The following FANCL variants were observed in gnomAD, a reference collection of about 807,000 sequenced individuals.
FANCL encodes the protein FA complementation group L.
A neutral mutation model predicts 59.4 loss-of-function variants in FANCL; 69 were observed. The ratio of observed to expected loss-of-function variants is 1.16; its 90% CI spans 0.96 to 1.42. FANCL has a LOEUF of 1.42. FANCL is among the 40% of genes most tolerant of loss of function. The pLI is 0.00. For missense variants in FANCL, 519 were observed against 447.2 expected, an observed-to-expected ratio of 1.16 and a Z score of -1.45; for synonymous variants, 180 against 147.1, an observed-to-expected ratio of 1.22 and a Z score of -1.62.
chr2:58,163,083 TAA>T lies in FANCL; in HGVS notation c.776-11_776-10del, dbSNP rs374236117. ...TCCCAGGGGTTTTACCACTTCAGAT[TAA>T]AAAAAAAAAATTTAATAATTGCATG... On this transcript the variant is annotated splice_polypyrimidine_tract_variant and intron_variant, in intron 9 of 13. Transcript: ENST00000233741. The T allele has an allele frequency of 2.1e-5, 27 of 1,280,628 alleles. No individual in the cohort carries two copies. The highest frequency in any genetic ancestry group is 5.6e-5 in the South Asian group (4 of 70,962). 79.3% of individuals were successfully genotyped at this position (1,280,628 alleles called of 1,614,324 possible).
chr2:58,241,262 G>A lies in FANCL; in HGVS notation c.52C>T (p.Gln18Ter), dbSNP rs1694518638. The part of the protein sequence containing the change: ...LLRQCPLLLP[Q>*]NRSKTVYEGF... ...TCATACACGGTTTTCGACCGGTTCT[G>A]GGGCAGAAGCAGGGGGCACTGGCGC... Residue 18 changes from glutamine (Q) to a stop codon, truncating the protein, a stop_gained, in exon 1 of 14, where the codon CAG (glutamine) becomes TAG (stop). Coordinates refer to ENST00000233741, the MANE Select transcript of FANCL (RefSeq NM_018062.4). LOFTEE classifies it high-confidence loss of function. 1 of 1,614,270 alleles carries A rather than the reference G, an allele frequency of 6.2e-7. No homozygotes were observed. The highest frequency in any genetic ancestry group is 1.3e-5 in the African/African-American group (1 of 75,078).
At chr2:58,221,155 A>C (rs1692439785) in intron 5 of FANCL, among the ~76,000 whole-genome samples, 1 of 151,942 alleles carries the variant, frequency 6.6e-6, no homozygotes, top group Non-Finnish European at 1.5e-5. Flanking sequence ...GGAGCTTGCA[A>C]TCAGCCTAGG....
chr2:58,169,253 A>G (rs1048246586), intron 7 of FANCL, among the ~76,000 whole-genome samples: 8 of 152,164 alleles, frequency 5.3e-5, no homozygotes, highest in African/African-American at 1.9e-4. Context: ...CACTGGTGAT[A>G]CCCAGGCAAA....
chr2:58,229,790 A>C, intron 3 of FANCL, 24 bp downstream of exon 3: 1 of 1,558,418 alleles, frequency 6.4e-7, no homozygotes, highest in Non-Finnish European at 8.9e-7. Context: ...CACTGAAAAC[A>C]TAAACCTTTT....
intron 12 of FANCL, among the ~76,000 whole-genome samples, chr2:58,161,254 A>C (rs1685115224): frequency 6.6e-6 from 1 of 151,996 alleles, no homozygotes; most frequent in African/African-American, 2.4e-5. Flanking sequence ...CCATCAATTT[A>C]ATTTGTTATG....
chr2:58,191,832 T>A, intron 7 of FANCL, among the ~76,000 whole-genome samples: 1 of 152,074 alleles, frequency 6.6e-6, no homozygotes, highest in East Asian at 1.9e-4. Context: ...ACTTTGTACA[T>A]TTGTACAGCA....
intron 7 of FANCL, among the ~76,000 whole-genome samples, chr2:58,186,976 A>G (rs765049506): frequency 2.0e-5 from 3 of 152,174 alleles, no homozygotes; most frequent in Non-Finnish European, 4.4e-5. Flanking sequence ...GGGAGTGTGA[A>G]CTAGTTCAAC....
chr2:58,207,829 G>T (rs191854241), intron 5 of FANCL, among the ~76,000 whole-genome samples: 4 of 152,258 alleles, frequency 2.6e-5, no homozygotes, highest in African/African-American at 7.2e-5. Flanking sequence ...GAAGCTGAGG[G>T]GAGGATTACT....
chr2:58,171,083 G>C (rs913973608), intron 7 of FANCL, among the ~76,000 whole-genome samples: 1 of 152,108 alleles, frequency 6.6e-6, no homozygotes. Flanking sequence ...ATTCCTCTCA[G>C]CACCACATCA....
At chr2:58,222,424 G>C (rs1406561750) in intron 4 of FANCL, among the ~76,000 whole-genome samples, 1 of 151,896 alleles carries the variant, frequency 6.6e-6, no homozygotes, top group Non-Finnish European at 1.5e-5. Context: ...CTAAAGAAAG[G>C]CCTGAACTCT....
At chr2:58,173,071 A>G (rs538918430) in intron 7 of FANCL, among the ~76,000 whole-genome samples, 60 of 152,328 alleles carry the variant, frequency 3.9e-4, no homozygotes, top group Non-Finnish European at 6.9e-4. Flanking sequence ...ATGAAGCAAG[A>G]AGGGAAGCTT....
intron 7 of FANCL, among the ~76,000 whole-genome samples, chr2:58,195,647 C>A (rs752369559): frequency 2.6e-5 from 4 of 151,584 alleles, no homozygotes; most frequent in Non-Finnish European, 5.9e-5. Context: ...ATATTTATAT[C>A]CCATATAACT....
At chr2:58,187,996 G>C (rs1688574944) in intron 7 of FANCL, among the ~76,000 whole-genome samples, 1 of 152,080 alleles carries the variant, frequency 6.6e-6, no homozygotes, top group Non-Finnish European at 1.5e-5. Context: ...AGAAATATCT[G>C]CCTAGCCTAG....
Position 58,178,576 on chromosome 2 carries a change from A to G in FANCL, c.541-12702T>C, listed in dbSNP as rs569102973. 2.0e-5 allele frequency among the ~76,000 whole-genome samples: 3 copies of G among 152,208 alleles called. No individual in the cohort carries two copies. The South Asian group carries it at 6.2e-4, about 32-fold the overall frequency. On this transcript the variant is annotated intron_variant, in intron 7 of 13. Coordinates refer to ENST00000233741, the MANE Select transcript of FANCL (RefSeq NM_018062.4). ...TCAATAAATTAGGTGTTGATGGAAC[A>G]TATCTCAAAACAGTAACAGCTATTT...
intron 1 of FANCL, among the ~76,000 whole-genome samples, chr2:58,236,402 TTAC>T: frequency 6.6e-6 from 1 of 151,778 alleles, no homozygotes; most frequent in South Asian, 2.1e-4. Flanking sequence ...AATCCTAATA[TTAC>T]GTTAAGGCAG....
intron 5 of FANCL, among the ~76,000 whole-genome samples, chr2:58,221,117 G>A (rs979571552): frequency 5.3e-5 from 8 of 152,074 alleles, no homozygotes; most frequent in African/African-American, 1.9e-4. Flanking sequence ...GGAGGCTGAG[G>A]CAGGGGAATG....
rs116787045 is a variant in FANCL, at chr2:58,166,367, G to A, written c.541-493C>T. On this transcript the variant is annotated intron_variant, in intron 7 of 13. Transcript: ENST00000233741. ...TTAAAAACTTTGGAGACCTAATTAGGCAGAGTATGAAAAGGTTTTACACAT... is the reference window on the plus strand; with the variant it reads ...TTAAAAACTTTGGAGACCTAATTAGACAGAGTATGAAAAGGTTTTACACAT... 4.9e-3 allele frequency among the ~76,000 whole-genome samples: 746 copies of A among 152,176 alleles called. 8 individuals are homozygous for A. The highest frequency in any genetic ancestry group is 0.017 in the African/African-American group (709 of 41,538).
chr2:58,230,156 A>G (rs1028442928), intron 2 of FANCL, among the ~76,000 whole-genome samples: 1 of 152,236 alleles, frequency 6.6e-6, no homozygotes, highest in African/African-American at 2.4e-5. Context: ...ACTGAAGTAG[A>G]TTCTTTTCCA....
intron 7 of FANCL, among the ~76,000 whole-genome samples, chr2:58,190,293 A>G (rs1377454500): frequency 1.3e-5 from 2 of 152,038 alleles, no homozygotes; most frequent in African/African-American, 4.8e-5. Context: ...TGAAAAGGGT[A>G]TCTGCCCACA....
Sources: gnomAD v4.1 joint callset for allele counts (sites outside exome capture counted in the v4.1 genomes callset) on GRCh38, gnomAD v4.1.1 for gene constraint, MANE v1.5 for transcripts, NCBI Gene and HGNC (gene_info 2026-07-23, HGNC 2026-07-21) for gene names.